The following CDYL2 variants were observed in gnomAD, a reference collection of about 807,000 sequenced individuals.
The protein encoded by CDYL2 is chromodomain Y-like protein 2.
A neutral mutation model predicts 49.4 loss-of-function variants in CDYL2; 23 were observed. The observed-to-expected ratio is 0.47, with a 90% CI of 0.34 to 0.66. CDYL2 has a LOEUF of 0.66. Among genes scored for constraint, CDYL2 ranks in the 30% least tolerant of loss-of-function variants. The probability of loss-of-function intolerance (pLI) is 0.01; values close to 1 mark genes in which losing one functional copy is unlikely to be tolerated. For missense variants in CDYL2, 678 were observed against 656.4 expected, an observed-to-expected ratio of 1.03 and a Z score of -0.36; for synonymous variants, 360 against 268.8, an observed-to-expected ratio of 1.34 and a Z score of -3.32.
intron 2 of CDYL2, among the ~76,000 whole-genome samples, chr16:80,642,842 G>A (rs1908161659): frequency 6.6e-6 from 1 of 152,082 alleles, no homozygotes; most frequent in South Asian, 2.1e-4. Flanking sequence ...ACAATTATGG[G>A]AATTATGGGA....
chr16:80,620,882 T>G lies in CDYL2; in HGVS notation c.888A>C (p.Lys296Asn). The G allele has an allele frequency of 1.2e-6, 2 of 1,611,224 alleles. No homozygotes were observed. The highest frequency in any genetic ancestry group is 1.7e-6 in the Non-Finnish European group (2 of 1,177,938). The change falls in exon 4 of 7, where the codon AAA becomes AAC. Residue 296 changes from lysine (K) to asparagine (N), a missense_variant. Transcript: ENST00000570137. ...TCCCCACTGCGCTGAGGAGCAGCAG[T>G]TTGCTGTCGTCTGTGGCTGCGTTGC... Reference protein sequence around the residue: ...ALCNAATDDSKLLLLSAVGSV... With the variant: ...ALCNAATDDSNLLLLSAVGSV...
intron 2 of CDYL2, among the ~76,000 whole-genome samples, chr16:80,636,224 A>G (rs1907816892): frequency 6.6e-6 from 1 of 152,220 alleles, no homozygotes. Context: ...TAATTAAACT[A>G]AAGAGCTTCT....
At position 80,600,028 on chromosome 16, in the gene CDYL2, C is replaced by G. The variant is rs984093183; in HGVS notation, c.*4360G>C. On this transcript the variant is annotated 3_prime_UTR_variant, in exon 7 of 7. Transcript: ENST00000570137. Reference sequence around the variant, plus strand: ...CCTTTTTAAATTTTTTTGCAACAAGCTTAAGGCTCTGTTCACAAACTCCAT... The same window carrying G: ...CCTTTTTAAATTTTTTTGCAACAAGGTTAAGGCTCTGTTCACAAACTCCAT... 1.3e-5 allele frequency: 2 copies of G among 152,170 alleles called. No homozygotes were observed. Among genetic ancestry groups the G allele is most frequent in the African/African-American group, 4.8e-5 (2 of 41,452 alleles). 9.4% of individuals were successfully genotyped at this position (152,170 alleles called of 1,614,324 possible).
At chr16:80,655,066 C>CA (rs1201790788) in intron 2 of CDYL2, among the ~76,000 whole-genome samples, 1 of 152,214 alleles carries the variant, frequency 6.6e-6, no homozygotes, top group African/African-American at 2.4e-5. Context: ...TTGGTGGGCG[C>CA]AGGGTGTCAC....
upstream of CDYL2, among the ~76,000 whole-genome samples, chr16:80,804,782 G>A (rs1218710530): frequency 1.4e-5 from 2 of 144,458 alleles, no homozygotes; most frequent in Non-Finnish European, 3.0e-5. Context: ...CCAGGTGCCC[G>A]CCGGGTGCGC....
intron 2 of CDYL2, among the ~76,000 whole-genome samples, chr16:80,670,433 G>A (rs1041875419): frequency 6.6e-6 from 1 of 152,034 alleles, no homozygotes; most frequent in Non-Finnish European, 1.5e-5. Context: ...TTCCCCTTCC[G>A]CCATGATTGT....
At chr16:80,775,123 T>A (rs1313769778) in intron 1 of CDYL2, among the ~76,000 whole-genome samples, 1 of 151,906 alleles carries the variant, frequency 6.6e-6, no homozygotes, top group Non-Finnish European at 1.5e-5. Context: ...AAAATGCCCA[T>A]GCACAGTCCC....
intron 3 of CDYL2, among the ~76,000 whole-genome samples, chr16:80,621,456 G>A (rs9924170): frequency 0.28 from 43,041 of 152,180 alleles, 9,750 homozygotes; most frequent in African/African-American, 0.6. Context: ...CCTGGGTTCA[G>A]TGTCCCACTG....
chr16:80,609,297 G>A (rs1011115589), intron 5 of CDYL2, among the ~76,000 whole-genome samples: 4 of 152,132 alleles, frequency 2.6e-5, no homozygotes, highest in African/African-American at 4.8e-5. Flanking sequence ...GGCCGGCAAC[G>A]CCTTCCCCAC....
chr16:80,632,932 T>A, intron 3 of CDYL2, 87 bp downstream of exon 3: 1 of 1,341,164 alleles, frequency 7.5e-7, no homozygotes, highest in Non-Finnish European at 1.1e-6. Context: ...AGCTCCCTGA[T>A]GGAAGGAAGG....
chr16:80,617,329 T>C (rs1906876215), intron 4 of CDYL2, among the ~76,000 whole-genome samples: 1 of 152,198 alleles, frequency 6.6e-6, no homozygotes, highest in Non-Finnish European at 1.5e-5. Context: ...GAAGAGATGG[T>C]GGCAGTTCTA....
intron 1 of CDYL2, among the ~76,000 whole-genome samples, chr16:80,752,511 T>A (rs190550514): frequency 6.6e-6 from 1 of 152,078 alleles, no homozygotes; most frequent in South Asian, 2.1e-4. Flanking sequence ...AGTACCCAGA[T>A]AAGAAAAAAA....
At chr16:80,642,638 T>G (rs1407403156) in intron 2 of CDYL2, among the ~76,000 whole-genome samples, 30 of 152,232 alleles carry the variant, frequency 2.0e-4, no homozygotes, top group Non-Finnish European at 1.5e-5. Context: ...TCCACGTGGC[T>G]GGGGAGGCCT....
intron 2 of CDYL2, among the ~76,000 whole-genome samples, chr16:80,643,567 C>T (rs1908199880): frequency 6.6e-6 from 1 of 152,246 alleles, no homozygotes; most frequent in African/African-American, 2.4e-5. Context: ...AGCAAACCTG[C>T]GTGGGTATCC....
intron 1 of CDYL2, among the ~76,000 whole-genome samples, chr16:80,793,608 G>A (rs1425979325): frequency 6.6e-6 from 1 of 152,180 alleles, no homozygotes; most frequent in Non-Finnish European, 1.5e-5. Context: ...AGTGCCACAA[G>A]CTTGGAATAC....
intron 1 of CDYL2, among the ~76,000 whole-genome samples, chr16:80,800,659 C>G (rs1485950419): frequency 6.6e-6 from 1 of 152,080 alleles, no homozygotes; most frequent in South Asian, 2.1e-4. Flanking sequence ...CACCAAGAGG[C>G]CATGAGCTTG....
chr16:80,744,645 T>C (rs752069773), intron 1 of CDYL2, among the ~76,000 whole-genome samples: 42 of 152,258 alleles, frequency 2.8e-4, no homozygotes, highest in Non-Finnish European at 5.4e-4. Flanking sequence ...AACTTGCCCA[T>C]GTGATAGGTA....
At chr16:80,759,960 T>C (rs1472723074) in intron 1 of CDYL2, among the ~76,000 whole-genome samples, 1 of 152,226 alleles carries the variant, frequency 6.6e-6, no homozygotes, top group Non-Finnish European at 1.5e-5. Flanking sequence ...TAGAAATTAC[T>C]GTCTCAGGGT....
intron 2 of CDYL2, among the ~76,000 whole-genome samples, chr16:80,666,948 T>C (rs979390350): frequency 2.6e-5 from 4 of 152,210 alleles, no homozygotes; most frequent in South Asian, 2.1e-4. Context: ...CCCTCCCCTG[T>C]GGAGCTTCTG....
Sources: allele counts gnomAD v4.1 joint callset (sites outside exome capture counted in the v4.1 genomes callset), GRCh38; gene constraint gnomAD v4.1.1; transcripts MANE v1.5; gene names NCBI Gene and HGNC (gene_info 2026-07-23, HGNC 2026-07-21).